The following ECT2 variants were observed in gnomAD, a reference collection of about 807,000 sequenced individuals.
ECT2 encodes protein ECT2.
ECT2 carries 61 observed loss-of-function variants against 116.9 expected under a neutral mutation model. The ratio of observed to expected loss-of-function variants is 0.52; its 90% CI spans 0.42 to 0.65. The LOEUF is 0.65. Ranked by LOEUF, ECT2 falls within the 30% of genes least tolerant of loss-of-function variation. The probability of loss-of-function intolerance (pLI) is 0.00; values close to 1 mark genes in which losing one functional copy is unlikely to be tolerated. For missense variants in ECT2, 937 were observed against 1,078.7 expected (o/e 0.87, Z 1.84); for synonymous variants, 358 against 346.4 (o/e 1.03, Z -0.37).
downstream of ECT2, among the ~76,000 whole-genome samples, chr3:172,823,660 G>A (rs1730774206): frequency 6.6e-6 from 1 of 152,000 alleles, no homozygotes; most frequent in Non-Finnish European, 1.5e-5. Context: ...GCATATGAAA[G>A]TTATGTTTAC....
At chr3:172,789,274 C>G (rs1724201926) in intron 18 of ECT2, among the ~76,000 whole-genome samples, 1 of 148,296 alleles carries the variant, frequency 6.7e-6, no homozygotes, top group Non-Finnish European at 1.5e-5. Flanking sequence ...GGCCGGAGTG[C>G]AGTGGCACAG....
chr3:172,811,711 G>A (rs989596760), intron 22 of ECT2, among the ~76,000 whole-genome samples: 3 of 152,118 alleles, frequency 2.0e-5, no homozygotes, highest in African/African-American at 7.2e-5. Flanking sequence ...CACACTTGGA[G>A]TTTAGTTTCA....
chr3:172,761,036 A>G (rs1488877090), intron 7 of ECT2, among the ~76,000 whole-genome samples: 1 of 152,184 alleles, frequency 6.6e-6, no homozygotes, highest in East Asian at 1.9e-4. Context: ...AGTGCCCTTC[A>G]TAAGAACAGA....
At chr3:172,801,430 A>G (rs1019014788) in intron 18 of ECT2, among the ~76,000 whole-genome samples, 1 of 152,182 alleles carries the variant, frequency 6.6e-6, no homozygotes, top group Admixed American at 6.5e-5. Flanking sequence ...ACTCTGATTG[A>G]TATCACTGTT....
intron 22 of ECT2, among the ~76,000 whole-genome samples, chr3:172,814,901 T>C (rs1300886631): frequency 6.6e-6 from 1 of 152,154 alleles, no homozygotes; most frequent in Non-Finnish European, 1.5e-5. Context: ...ACAGAACTTA[T>C]TTCTCCTTTC....
chr3:172,818,803 A>T (rs1310817735), intron 24 of ECT2: 2 of 1,220,978 alleles, frequency 1.6e-6, no homozygotes, highest in South Asian at 1.4e-5. Context: ...AACAAGCCTC[A>T]TGAAGTTTAA....
intron 13 of ECT2, among the ~76,000 whole-genome samples, chr3:172,770,105 GT>G (rs1720325250): frequency 6.6e-6 from 1 of 152,186 alleles, no homozygotes; most frequent in Non-Finnish European, 1.5e-5. Flanking sequence ...TTTAGGAGCA[GT>G]CAGGGTTTTA....
At chr3:172,776,852 T>C (rs1002154906) in intron 14 of ECT2, among the ~76,000 whole-genome samples, 31 of 151,796 alleles carry the variant, frequency 2.0e-4, no homozygotes, top group African/African-American at 7.0e-4. Context: ...GTTAAGAATA[T>C]GTAGTGGAAA....
At chr3:172,826,278 A>G (rs373960142), downstream of ECT2, among the ~76,000 whole-genome samples, 1 of 152,236 alleles carries the variant, frequency 6.6e-6, no homozygotes, top group Admixed American at 6.5e-5. Flanking sequence ...TTAGGGGCTA[A>G]TACAGCTGGT....
intron 18 of ECT2, among the ~76,000 whole-genome samples, chr3:172,793,000 G>GCACC (rs1227598868): frequency 2.6e-5 from 4 of 151,984 alleles, no homozygotes; most frequent in African/African-American, 9.7e-5. Flanking sequence ...AATTACAGGT[G>GCACC]GAGCTACTGC....
In ECT2 at chr3:172,762,990, T is replaced by G; in HGVS notation, c.1068+18T>G. The G allele has an allele frequency of 6.2e-7, 1 of 1,611,632 alleles. No homozygotes were observed. Among genetic ancestry groups the G allele is most frequent in the Non-Finnish European group, 8.5e-7 (1 of 1,178,662 alleles). On this transcript the variant is annotated intron_variant, in intron 11 of 24. Transcript: ENST00000392692. ...ATGAAAAGGTATGCTTTTAACCCCT[T>G]ACTTATTTGTTCTGTGAGCTTGATT...
Position 172,782,193 on chromosome 3 carries a change from G to T in ECT2, c.1579G>T (p.Asp527Tyr). Residue 527 changes from aspartate to tyrosine, a missense_variant, in exon 15 of 25, where the codon GAT (aspartate) becomes TAT (tyrosine). Coordinates refer to ENST00000392692, the MANE Select transcript of ECT2 (RefSeq NM_001258315.2). ...DDLEDLIVNW[D>Y]ESKSIGDIFL... is the part of the protein sequence containing the mutation. ...TCTTGAAGACCTTATAGTTAATTGGGATGAGAGCAAAAGCATTGGTGACAT... is the reference window on the plus strand; with the variant it reads ...TCTTGAAGACCTTATAGTTAATTGGTATGAGAGCAAAAGCATTGGTGACAT... 6.3e-7 allele frequency: 1 copy of T among 1,580,050 alleles called. No individual in the cohort carries two copies. The highest frequency in any genetic ancestry group is 8.6e-7 in the Non-Finnish European group (1 of 1,160,208).
At chr3:172,787,595 C>A (rs4894434) in intron 18 of ECT2, among the ~76,000 whole-genome samples, 148,354 of 152,250 alleles carry the variant, frequency 0.97, 72,314 homozygotes, top group East Asian at 1. Context: ...CATGCTTTTG[C>A]TTTTTTTCCC....
chr3:172,815,845 C>T (rs1010276262), intron 23 of ECT2, 134 bp downstream of exon 23: 11 of 632,708 alleles, frequency 1.7e-5, no homozygotes, highest in East Asian at 3.0e-5. Flanking sequence ...AGGAAATGAC[C>T]CACAGAAACA....
At chr3:172,811,066 T>G (rs909488161) in intron 22 of ECT2, among the ~76,000 whole-genome samples, 4 of 152,172 alleles carry the variant, frequency 2.6e-5, no homozygotes, top group Admixed American at 2.0e-4. Flanking sequence ...AACTTAAAAG[T>G]AAATAAAAAT....
In ECT2 at chr3:172,820,133, G is replaced by T; in HGVS notation, c.2656-15G>T. The stretch of plus-strand genomic sequence containing the variant: ...GGAAAATTTAAAATATGAAATGTTT[G>T]TTTTGTCTTAACAGGGTATCCCTTC... On this transcript the variant is annotated splice_polypyrimidine_tract_variant and intron_variant, in intron 24 of 24. Coordinates refer to ENST00000392692, the MANE Select transcript of ECT2 (RefSeq NM_001258315.2). 6.3e-7 allele frequency: 1 copy of T among 1,579,882 alleles called. No homozygotes were observed. The highest frequency in any genetic ancestry group is 8.6e-7 in the Non-Finnish European group (1 of 1,157,922).
intron 23 of ECT2, 44 bp downstream of exon 23, chr3:172,815,755 T>A (rs1281592704): frequency 1.6e-6 from 2 of 1,217,116 alleles, no homozygotes; most frequent in Non-Finnish European, 2.4e-6. Flanking sequence ...TCTAACATAT[T>A]TTCCAGACTA....
downstream of ECT2, among the ~76,000 whole-genome samples, chr3:172,825,762 CA>C (rs1454192180): frequency 1.3e-5 from 2 of 152,188 alleles, no homozygotes; most frequent in African/African-American, 4.8e-5. Context: ...TGTGAAGCAG[CA>C]AATGCTGATA....
intron 7 of ECT2, among the ~76,000 whole-genome samples, chr3:172,760,594 T>C (rs1718058064): frequency 1.3e-5 from 2 of 151,940 alleles, no homozygotes; most frequent in African/African-American, 2.4e-5. Context: ...GTGGTTAAGT[T>C]TTAAGTAGGC....
Sources: allele counts gnomAD v4.1 joint callset (sites outside exome capture counted in the v4.1 genomes callset), GRCh38; gene constraint gnomAD v4.1.1; transcripts MANE v1.5; gene names NCBI Gene and HGNC (gene_info 2026-07-23, HGNC 2026-07-21).